Variants in RNFT2 observed in about 807,000 individuals in gnomAD.
RNFT2 encodes E3 ubiquitin-protein ligase RNFT2.
RNFT2 carries 36 observed loss-of-function variants against 53.0 expected under a neutral mutation model. That is an observed-to-expected ratio of 0.68 (90% CI 0.52 to 0.90). RNFT2 has a LOEUF of 0.90. Ranked by LOEUF, RNFT2 falls within the 40% of genes least tolerant of loss-of-function variation. RNFT2 has a pLI of 0.00. For synonymous variants in RNFT2, 260 were observed against 253.2 expected, an observed-to-expected ratio of 1.03 and a Z score of -0.26; for missense variants, 514 against 585.6, an observed-to-expected ratio of 0.88 and a Z score of 1.26.
rs531941617 is a variant in RNFT2, at chr12:116,748,016, C to A, written c.84-1825C>A. 2.6e-5 allele frequency among the ~76,000 whole-genome samples: 4 copies of A among 152,116 alleles called. No individual in the cohort carries two copies. In the East Asian group the frequency reaches 7.7e-4, roughly 29 times the overall value. On this transcript the variant is annotated intron_variant, in intron 3 of 10. Transcript: ENST00000257575. ...TACCAGCCTGGCCAACGCGGTGAAA[C>A]CCTATCTCTCTAAAAATACAAAAAT...
chr12:116,753,477 T>C (rs16946969), intron 4 of RNFT2, among the ~76,000 whole-genome samples: 2,847 of 152,284 alleles, frequency 0.019, 80 homozygotes, highest in African/African-American at 0.063. Context: ...TATGCTTTTA[T>C]CACAAATTCT....
chr12:116,781,621 A>C (rs1873703394), intron 7 of RNFT2, among the ~76,000 whole-genome samples: 1 of 151,818 alleles, frequency 6.6e-6, no homozygotes, highest in Non-Finnish European at 1.5e-5. Context: ...CTCTGCCTTC[A>C]TTGTCGCATC....
chr12:116,810,379 C>T (rs980883924), intron 7 of RNFT2, among the ~76,000 whole-genome samples: 10 of 152,144 alleles, frequency 6.6e-5, no homozygotes, highest in Non-Finnish European at 1.2e-4. Flanking sequence ...GAAAACAGTT[C>T]GGGGTGTGCG....
rs1224474456 is a variant in RNFT2, at chr12:116,746,129, C to T, written c.84-3712C>T. 4.6e-5 allele frequency among the ~76,000 whole-genome samples: 7 copies of T among 152,034 alleles called. No individual in the cohort carries two copies. The South Asian group carries it at 8.3e-4, about 18-fold the overall frequency. On this transcript the variant is annotated intron_variant, in intron 3 of 10. Transcript: ENST00000257575. Reference sequence around the variant, plus strand: ...GCGCACACCTGTAATCCCAGCTACTCGGGAGGCTGAGGCATAAGAATCACT... The same window carrying T: ...GCGCACACCTGTAATCCCAGCTACTTGGGAGGCTGAGGCATAAGAATCACT...
chr12:116,785,836 T>C (rs7974323), intron 7 of RNFT2, among the ~76,000 whole-genome samples: 146,893 of 152,168 alleles, frequency 0.97, 70,953 homozygotes, highest in African/African-American at 0.99. Flanking sequence ...ATCGCTCGAG[T>C]TCATGAGTTC....
chr12:116,852,751 C>G lies in RNFT2; in HGVS notation c.*3303C>G, dbSNP rs1877989387. ...TCTGCTGGGAGTCAGACCTGGAATT[C>G]TGATTCCAAACTCTTTATTACTTTG... On this transcript the variant is annotated 3_prime_UTR_variant, in exon 11 of 11. Transcript: ENST00000257575. 2 of 1,590,628 alleles carry G rather than the reference C, an allele frequency of 1.3e-6. No homozygotes were observed. Among genetic ancestry groups the G allele is most frequent in the Non-Finnish European group, 1.7e-6 (2 of 1,158,638 alleles).
At chr12:116,807,912 T>C (rs1875162786) in intron 7 of RNFT2, among the ~76,000 whole-genome samples, 1 of 152,148 alleles carries the variant, frequency 6.6e-6, no homozygotes, top group Non-Finnish European at 1.5e-5. Flanking sequence ...CAAACGATCC[T>C]CCCACCTCAG....
chr12:116,834,969 C>G (rs1046894146), intron 8 of RNFT2, among the ~76,000 whole-genome samples: 2 of 151,830 alleles, frequency 1.3e-5, no homozygotes, highest in African/African-American at 4.8e-5. Flanking sequence ...CATGTCTCAG[C>G]CTCTCTAGTA....
rs1406006991 is a variant in RNFT2, at chr12:116,836,274, C to T, written c.1192C>T (p.Leu398=). Residue 398 remains leucine, a synonymous_variant, in exon 10 of 11, where the codon CTG becomes TTG. Coordinates refer to ENST00000257575, the MANE Select transcript of RNFT2 (RefSeq NM_001382266.1). ...QAEFREPLIL[L]CQHVFCEECL... ...CGAGTTCCGAGAGCCTCTGATTCTC[C>T]TGTGCCAGGTGAGCAGGGCTCAGGC... 3 of 1,572,458 alleles carry T rather than the reference C, an allele frequency of 1.9e-6. No homozygotes were observed. Among genetic ancestry groups the T allele is most frequent in the South Asian group, 2.3e-5 (2 of 85,412 alleles).
At chr12:116,804,672 G>T (rs565652440) in intron 7 of RNFT2, among the ~76,000 whole-genome samples, 2 of 152,196 alleles carry the variant, frequency 1.3e-5, no homozygotes, top group East Asian at 1.9e-4. Flanking sequence ...ATCCCAAGAC[G>T]GTTCTTTCTC....
intron 10 of RNFT2, among the ~76,000 whole-genome samples, chr12:116,837,605 A>T (rs1403781935): frequency 1.3e-5 from 2 of 152,108 alleles, no homozygotes; most frequent in Admixed American, 6.5e-5. Context: ...TTTTAAATGG[A>T]TAATATATTT....
intron 7 of RNFT2, among the ~76,000 whole-genome samples, chr12:116,806,376 AAAAAAATATATAT>A (rs199941109): frequency 8.6e-5 from 11 of 127,276 alleles, no homozygotes; most frequent in Non-Finnish European, 1.4e-4. Context: ...TCAAAAAAAA[AAAAAAATATATAT>A]ATATATATAT....
chr12:116,803,542 A>G (rs1874906507), intron 7 of RNFT2, among the ~76,000 whole-genome samples: 1 of 152,092 alleles, frequency 6.6e-6, no homozygotes, highest in Non-Finnish European at 1.5e-5. Flanking sequence ...TCCTGTCTGT[A>G]TTAATCAGGG....
At chr12:116,812,608 C>T (rs1592973724) in intron 7 of RNFT2, among the ~76,000 whole-genome samples, 3 of 151,528 alleles carry the variant, frequency 2.0e-5, no homozygotes, top group Admixed American at 2.0e-4. Flanking sequence ...GATCTCAGCT[C>T]ACTGCAACCT....
At chr12:116,847,094 A>T (rs552465124) in intron 10 of RNFT2, among the ~76,000 whole-genome samples, 1 of 151,728 alleles carries the variant, frequency 6.6e-6, no homozygotes, top group Non-Finnish European at 1.5e-5. Flanking sequence ...TTTTTAGTAG[A>T]GACGGGATTT....
chr12:116,829,643 C>T (rs1246128207), intron 7 of RNFT2, among the ~76,000 whole-genome samples: 1 of 152,184 alleles, frequency 6.6e-6, no homozygotes, highest in Non-Finnish European at 1.5e-5. Context: ...TGTCCACATG[C>T]CACGCATACG....
At chr12:116,754,776 T>TA (rs1872423383) in intron 5 of RNFT2, among the ~76,000 whole-genome samples, 1 of 152,356 alleles carries the variant, frequency 6.6e-6, no homozygotes. Flanking sequence ...TGGCCATTTG[T>TA]ATATCTTCTT....
In RNFT2 at chr12:116,763,989, G is replaced by A. The variant is rs561209311; in HGVS notation, c.628-2825G>A. On this transcript the variant is annotated intron_variant, in intron 5 of 10. Transcript: ENST00000257575. ...AACCAATGAGTGGGTAAAGAAACTGGTATATGTATATGATGGAATTCTACT... is the reference window on the plus strand; with the variant it reads ...AACCAATGAGTGGGTAAAGAAACTGATATATGTATATGATGGAATTCTACT... Among the ~76,000 whole-genome samples the A allele has an allele frequency of 2.7e-4, 41 of 152,140 alleles. No individual in the cohort carries two copies. In the South Asian group the frequency reaches 4.3e-3, roughly 16 times the overall value.
At chr12:116,846,795 G>A (rs555486373) in intron 10 of RNFT2, among the ~76,000 whole-genome samples, 1 of 151,514 alleles carries the variant, frequency 6.6e-6, no homozygotes, top group South Asian at 2.1e-4. Flanking sequence ...CCAGTTAAGA[G>A]TAAGTGGTAG....
Sources: allele counts gnomAD v4.1 joint callset (sites outside exome capture counted in the v4.1 genomes callset), GRCh38; gene constraint gnomAD v4.1.1; transcripts MANE v1.5; gene names NCBI Gene and HGNC (gene_info 2026-07-23, HGNC 2026-07-21).